NLGN4X: variants seen among roughly 807,000 people sequenced by gnomAD.
The protein encoded by NLGN4X is neuroligin-4, X-linked.
A neutral mutation model predicts 40.3 loss-of-function variants in NLGN4X; 3 were observed. The ratio of observed to expected loss-of-function variants is 0.07; its 90% CI spans 0.03 to 0.19. The LOEUF is 0.19. NLGN4X is among the 10% of genes least tolerant of loss of function. The probability of loss-of-function intolerance (pLI) is 1.00; values close to 1 mark genes in which losing one functional copy is unlikely to be tolerated. For missense variants in NLGN4X, 382 were observed against 708.3 expected, an observed-to-expected ratio of 0.54 and a Z score of 5.23; for synonymous variants, 270 against 306.8, an observed-to-expected ratio of 0.88 and a Z score of 1.25.
At chrX:5,960,871 TACTTC>T (rs1436277172) in intron 3 of NLGN4X, among the ~76,000 whole-genome samples, 2 of 111,917 alleles carry the variant, frequency 1.8e-5, no homozygotes, top group African/African-American at 6.5e-5. Context: ...GTGAATGTTA[TACTTC>T]ACCACCATAT....
At chrX:6,077,419 G>T (rs2038236081) in intron 2 of NLGN4X, among the ~76,000 whole-genome samples, 1 of 108,704 alleles carries the variant, frequency 9.2e-6, no homozygotes, top group South Asian at 4.1e-4. Flanking sequence ...CTCCCTCATA[G>T]CTGGGACCAT....
chrX:6,095,103 G>A (rs1332851404), intron 2 of NLGN4X, among the ~76,000 whole-genome samples: 1 of 856 alleles, frequency 1.2e-3, no homozygotes, highest in East Asian at 0.038. Context: ...ACGTGCGTGC[G>A]TGTGTGTGTG....
chrX:6,212,795 T>C (rs1223946548), intron 1 of NLGN4X, among the ~76,000 whole-genome samples: 1 of 111,914 alleles, frequency 8.9e-6, no homozygotes, highest in Admixed American at 9.5e-5. Context: ...CCTCATTTAC[T>C]TGCTATTCAA....
rs1469298552 is a variant in NLGN4X at position 6,147,785 on chromosome X, C to T, written c.472+3210G>A. Among the ~76,000 whole-genome samples the T allele has an allele frequency of 8.1e-5, 9 of 111,794 alleles. 1 individual carries two copies. The highest frequency in any genetic ancestry group is 2.6e-4 in the African/African-American group (8 of 30,774). On this transcript the variant is annotated intron_variant, in intron 2 of 5. Transcript: ENST00000381095. ...CTACTAGAGCTTCCGACTGGCTTGA[C>T]TGACTTTGACCTTATTTGAGCACCT...
intron 1 of NLGN4X, among the ~76,000 whole-genome samples, chrX:6,176,697 A>C (rs1225920770): frequency 8.9e-6 from 1 of 112,307 alleles, no homozygotes; most frequent in Non-Finnish European, 1.9e-5. Flanking sequence ...GAGAGTAAGA[A>C]GTCTCTAGAA....
chrX:5,933,691 AC>A (rs764964807), intron 3 of NLGN4X, among the ~76,000 whole-genome samples: 1 of 111,899 alleles, frequency 8.9e-6, no homozygotes, highest in Admixed American at 9.6e-5. Context: ...AACAAAATGT[AC>A]AGTTACGCTT....
intron 1 of NLGN4X, among the ~76,000 whole-genome samples, chrX:6,164,288 T>C (rs967834425): frequency 8.9e-6 from 1 of 112,798 alleles, no homozygotes; most frequent in African/African-American, 3.2e-5. Flanking sequence ...TTTAACCTCA[T>C]TTCCTTTAAA....
chrX:5,906,164 A>G (rs2032163949), intron 4 of NLGN4X, among the ~76,000 whole-genome samples: 1 of 112,431 alleles, frequency 8.9e-6, no homozygotes, highest in Middle Eastern at 4.6e-3. Flanking sequence ...GATTATATCA[A>G]TTGAGAAAAG....
At chrX:6,145,180 C>T (rs1031257200) in intron 2 of NLGN4X, among the ~76,000 whole-genome samples, 1 of 111,661 alleles carries the variant, frequency 9.0e-6, no homozygotes, top group Non-Finnish European at 1.9e-5. Flanking sequence ...TTTATCTCTT[C>T]TTACTCCTGA....
chrX:6,078,999 G>A (rs1227179387), intron 2 of NLGN4X, among the ~76,000 whole-genome samples: 2 of 111,688 alleles, frequency 1.8e-5, no homozygotes, highest in African/African-American at 6.5e-5. Flanking sequence ...CCTTCCTGCT[G>A]CCCTGTGAAG....
chrX:6,120,026 C>T (rs2039387211), intron 2 of NLGN4X, among the ~76,000 whole-genome samples: 2 of 111,468 alleles, frequency 1.8e-5, no homozygotes, highest in African/African-American at 6.5e-5. Context: ...ATCACAGCTA[C>T]ACAAAACAGA....
intron 3 of NLGN4X, among the ~76,000 whole-genome samples, chrX:6,021,376 A>G (rs1263070811): frequency 9.1e-6 from 1 of 110,320 alleles, no homozygotes; most frequent in Non-Finnish European, 1.9e-5. Flanking sequence ...CTTCCTGGTG[A>G]GAGAGTCCTT....
intron 2 of NLGN4X, among the ~76,000 whole-genome samples, chrX:6,109,310 A>T (rs1005869912): frequency 1.8e-5 from 2 of 111,527 alleles, no homozygotes; most frequent in African/African-American, 6.5e-5. Flanking sequence ...TATGTACTGC[A>T]TTTACAATTT....
At chrX:6,080,683 C>G (rs1421752912) in intron 2 of NLGN4X, among the ~76,000 whole-genome samples, 1 of 111,616 alleles carries the variant, frequency 9.0e-6, no homozygotes, top group Non-Finnish European at 1.9e-5. Context: ...CCATAACCCA[C>G]AAAATCTTCA....
chrX:6,166,456 C>T (rs1039836225), intron 1 of NLGN4X, among the ~76,000 whole-genome samples: 4 of 111,290 alleles, frequency 3.6e-5, no homozygotes, highest in Non-Finnish European at 7.5e-5. Context: ...TCCTTTTATG[C>T]GTTATTTACC....
chrX:6,195,771 A>C (rs751189617), intron 1 of NLGN4X, among the ~76,000 whole-genome samples: 3 of 110,668 alleles, frequency 2.7e-5, no homozygotes, highest in Non-Finnish European at 5.7e-5. Flanking sequence ...GATACGGTAA[A>C]AATTATTATT....
At chrX:6,071,503 G>C (rs1316431629) in intron 2 of NLGN4X, among the ~76,000 whole-genome samples, 1 of 111,804 alleles carries the variant, frequency 8.9e-6, no homozygotes, top group Non-Finnish European at 1.9e-5. Flanking sequence ...CTTACCAAGA[G>C]AAAATAATGA....
intron 3 of NLGN4X, among the ~76,000 whole-genome samples, chrX:6,009,279 G>A (rs1020470694): frequency 8.1e-5 from 9 of 111,609 alleles, no homozygotes; most frequent in African/African-American, 2.3e-4. Context: ...GTATATACCC[G>A]GAGGTAGAAT....
At chrX:6,125,996 CTTTT>C (rs1374419760) in intron 2 of NLGN4X, among the ~76,000 whole-genome samples, 1 of 66,396 alleles carries the variant, frequency 1.5e-5, no homozygotes, top group African/African-American at 6.3e-5. Context: ...AAAAATGTTT[CTTTT>C]AAGATTAAAA....
Sources: gnomAD v4.1 joint callset for allele counts (sites outside exome capture counted in the v4.1 genomes callset) on GRCh38, gnomAD v4.1.1 for gene constraint, MANE v1.5 for transcripts, NCBI Gene and HGNC (gene_info 2026-07-23, HGNC 2026-07-21) for gene names.